The following AUTS2 variants were observed in gnomAD, a reference collection of about 807,000 sequenced individuals.
The protein encoded by AUTS2 is activator of transcription and developmental regulator AUTS2.
AUTS2 carries 17 observed loss-of-function variants against 112.4 expected under a neutral mutation model. The observed-to-expected ratio is 0.15, with a 90% CI of 0.10 to 0.23. The LOEUF (loss-of-function observed/expected upper bound fraction) is 0.23. Ranked by LOEUF, AUTS2 falls within the 10% of genes least tolerant of loss-of-function variation. The probability of loss-of-function intolerance (pLI) is 1.00; values close to 1 mark genes in which losing one functional copy is unlikely to be tolerated. For synonymous variants in AUTS2, 751 were observed against 702.7 expected (o/e 1.07, Z -1.09); for missense variants, 1,510 against 1,701.6 (o/e 0.89, Z 1.98).
intron 2 of AUTS2, among the ~76,000 whole-genome samples, chr7:69,916,258 C>T (rs1270600229): frequency 6.6e-6 from 1 of 152,164 alleles, no homozygotes; most frequent in Non-Finnish European, 1.5e-5. Context: ...CAATAACATT[C>T]ACTCCTCCAA....
chr7:70,649,593 A>G (rs897394702), intron 5 of AUTS2, among the ~76,000 whole-genome samples: 2 of 151,326 alleles, frequency 1.3e-5, no homozygotes, highest in African/African-American at 4.9e-5. Context: ...CAGTAGTGCG[A>G]TCTTGGCTTG....
At chr7:70,517,059 A>T (rs1287587049) in intron 5 of AUTS2, among the ~76,000 whole-genome samples, 1 of 152,184 alleles carries the variant, frequency 6.6e-6, no homozygotes, top group Non-Finnish European at 1.5e-5. Context: ...AGAAGTAGAG[A>T]TATGAGAACA....
chr7:69,878,252 G>A (rs926802192), intron 1 of AUTS2, among the ~76,000 whole-genome samples: 1 of 152,184 alleles, frequency 6.6e-6, no homozygotes, highest in Non-Finnish European at 1.5e-5. Context: ...ACAATGGTTT[G>A]TAGTAGGAGA....
intron 4 of AUTS2, among the ~76,000 whole-genome samples, chr7:70,168,441 C>T (rs1345602584): frequency 1.3e-5 from 2 of 152,126 alleles, no homozygotes; most frequent in Non-Finnish European, 2.9e-5. Context: ...CTCAGCCTCC[C>T]GAGTAGCTGG....
chr7:70,778,888 G>C (rs537714579), intron 14 of AUTS2, among the ~76,000 whole-genome samples: 2 of 152,264 alleles, frequency 1.3e-5, no homozygotes, highest in South Asian at 4.2e-4. Context: ...TAACTTCTTT[G>C]GTTAAAAGAG....
At chr7:70,771,702 G>C in intron 11 of AUTS2, 58 bp downstream of exon 11, 1 of 1,503,904 alleles carries the variant, frequency 6.6e-7, no homozygotes, top group Non-Finnish European at 9.2e-7. Flanking sequence ...TCCCGGGCCA[G>C]GCGTGCAGGA....
chr7:70,133,575 A>G (rs939341198), intron 3 of AUTS2, among the ~76,000 whole-genome samples: 1 of 152,148 alleles, frequency 6.6e-6, no homozygotes, highest in Non-Finnish European at 1.5e-5. Context: ...GGAAAGTATA[A>G]TACCCAACCC....
chr7:69,920,971 C>G (rs1251215306), intron 2 of AUTS2, among the ~76,000 whole-genome samples: 1 of 152,150 alleles, frequency 6.6e-6, no homozygotes, highest in African/African-American at 2.4e-5. Flanking sequence ...TAATTTTTCA[C>G]TAATCTCCCT....
At chr7:70,444,839 T>C (rs934947236) in intron 5 of AUTS2, among the ~76,000 whole-genome samples, 1 of 152,116 alleles carries the variant, frequency 6.6e-6, no homozygotes, top group African/African-American at 2.4e-5. Context: ...GTAAGCCCTG[T>C]GGTGGGTGGT....
intron 2 of AUTS2, among the ~76,000 whole-genome samples, chr7:69,990,353 C>T (rs1798696211): frequency 6.6e-6 from 1 of 152,148 alleles, no homozygotes; most frequent in South Asian, 2.1e-4. Context: ...TTGTTACCGT[C>T]TGTATAGAAT....
intron 3 of AUTS2, among the ~76,000 whole-genome samples, chr7:70,121,467 G>A (rs1447688631): frequency 6.6e-6 from 1 of 152,058 alleles, no homozygotes; most frequent in Admixed American, 6.6e-5. Flanking sequence ...TACAGAATGT[G>A]TAAAGAACTA....
rs191339005 is a variant in AUTS2 at position 70,355,126 on chromosome 7, A to G, written c.661-80626A>G. 5.6e-4 allele frequency among the ~76,000 whole-genome samples: 84 copies of G among 150,380 alleles called. No homozygotes were observed. The Middle Eastern group carries it at 0.01, about 18-fold the overall frequency. Reference sequence around the variant, plus strand: ...TATGGGTGTGTGTGTGTGTGTGTGTATATATACGGAGAGAGATTTCTGGAG... The same window carrying G: ...TATGGGTGTGTGTGTGTGTGTGTGTGTATATACGGAGAGAGATTTCTGGAG... On this transcript the variant is annotated intron_variant, in intron 4 of 18. Coordinates refer to ENST00000342771, the MANE Select transcript of AUTS2 (RefSeq NM_015570.4).
intron 1 of AUTS2, among the ~76,000 whole-genome samples, chr7:69,762,995 G>A (rs926148485): frequency 6.6e-6 from 1 of 152,130 alleles, no homozygotes; most frequent in African/African-American, 2.4e-5. Context: ...CATCAAGCTC[G>A]GGGATACAAG....
intron 5 of AUTS2, among the ~76,000 whole-genome samples, chr7:70,641,359 C>T (rs1805818761): frequency 6.6e-6 from 1 of 152,026 alleles, no homozygotes; most frequent in Non-Finnish European, 1.5e-5. Flanking sequence ...ACCATCCTGG[C>T]TAACACGGTG....
intron 15 of AUTS2, chr7:70,781,965 A>ATCTT (rs1791118978): frequency 1.7e-6 from 1 of 603,488 alleles, no homozygotes; most frequent in African/African-American, 1.9e-5. Context: ...GGCAGAGATC[A>ATCTT]TCTTTCCCTT....
intron 1 of AUTS2, among the ~76,000 whole-genome samples, chr7:69,652,286 G>A (rs936896417): frequency 1.3e-5 from 2 of 151,874 alleles, no homozygotes; most frequent in Non-Finnish European, 2.9e-5. Context: ...GTAGACACCT[G>A]TGCCTGATAG....
intron 1 of AUTS2, among the ~76,000 whole-genome samples, chr7:69,660,464 G>C (rs1469587871): frequency 1.3e-5 from 2 of 152,168 alleles, no homozygotes; most frequent in Non-Finnish European, 2.9e-5. Flanking sequence ...GGAAATTCTA[G>C]GAAGAGGCAG....
At chr7:70,537,847 T>A (rs1800384391) in intron 5 of AUTS2, among the ~76,000 whole-genome samples, 2 of 152,158 alleles carry the variant, frequency 1.3e-5, no homozygotes, top group African/African-American at 4.8e-5. Context: ...TTTCAGTATC[T>A]TGAGAAACCT....
In AUTS2 at chr7:70,507,003, A is replaced by G. The variant is rs1214300090; in HGVS notation, c.690+71222A>G. Among the ~76,000 whole-genome samples, 5 of 152,204 alleles carry G rather than the reference A, an allele frequency of 3.3e-5. No homozygotes were observed. In the East Asian group the frequency reaches 9.6e-4, roughly 29 times the overall value. On this transcript the variant is annotated intron_variant, in intron 5 of 18. Transcript: ENST00000342771. ...AGAATCTGGGGAAGCCTGGCTCTCCAAGACAGGGACCACTGATGCTGAGTG... is the reference window on the plus strand; with the variant it reads ...AGAATCTGGGGAAGCCTGGCTCTCCGAGACAGGGACCACTGATGCTGAGTG...
Sources: allele counts gnomAD v4.1 joint callset (sites outside exome capture counted in the v4.1 genomes callset), GRCh38; gene constraint gnomAD v4.1.1; transcripts MANE v1.5; gene names NCBI Gene and HGNC (gene_info 2026-07-23, HGNC 2026-07-21).